The following FER1L5 variants were observed in gnomAD, a reference collection of about 807,000 sequenced individuals.
FER1L5 encodes the protein fer-1-like protein 5.
In FER1L5, 187 loss-of-function variants were observed where a neutral mutation model predicts 279.9. The observed-to-expected ratio is 0.67, with a 90% CI of 0.59 to 0.75. The LOEUF is 0.75. Among genes scored for constraint, FER1L5 ranks in the 30% least tolerant of loss-of-function variants. FER1L5 has a pLI of 0.00. For missense variants in FER1L5, 2,091 were observed against 2,594.4 expected (o/e 0.81, Z 4.21); for synonymous variants, 921 against 989.7 (o/e 0.93, Z 1.30).
At chr2:96,692,970 A>G (rs553524265) in intron 31 of FER1L5, among the ~76,000 whole-genome samples, 75 of 152,150 alleles carry the variant, frequency 4.9e-4, no homozygotes, top group Admixed American at 1.2e-3. Flanking sequence ...GAGGTCAGGA[A>G]TTCGAGACCA....
intron 20 of FER1L5, 124 bp downstream of exon 20, chr2:96,684,575 C>T: frequency 2.2e-6 from 3 of 1,363,600 alleles, no homozygotes; most frequent in Non-Finnish European, 3.0e-6. Flanking sequence ...TCATTCCACA[C>T]TGTTGAGAAG....
At chr2:96,671,044 T>C (rs1425214074) in intron 18 of FER1L5, among the ~76,000 whole-genome samples, 1 of 127,200 alleles carries the variant, frequency 7.9e-6, no homozygotes, top group Non-Finnish European at 1.5e-5. Flanking sequence ...GAGGTGGAGG[T>C]TGCAGTGAGC....
chr2:96,644,294 C>T (rs1232040492), intron 1 of FER1L5, among the ~76,000 whole-genome samples: 1 of 150,710 alleles, frequency 6.6e-6, no homozygotes, highest in Non-Finnish European at 1.5e-5. Flanking sequence ...CTGGCTAACA[C>T]GGTGAAACCC....
In FER1L5 at chr2:96,695,819, C is replaced by T. The variant is rs764611583; in HGVS notation, c.3972C>T (p.Thr1324=). Residue 1324 remains threonine (T), a synonymous_variant, in exon 36 of 53, where the codon ACC becomes ACT. Transcript: ENST00000624922. ...VVDNWAFGQQ[T]VTGQANIDFL... ...ACAACTGGGCCTTCGGCCAGCAGACCGTGACGGGCCAGGCCAACATCGACT... is the reference window on the plus strand; with the variant it reads ...ACAACTGGGCCTTCGGCCAGCAGACTGTGACGGGCCAGGCCAACATCGACT... 13 of 1,613,012 alleles carry T rather than the reference C, an allele frequency of 8.1e-6. No individual in the cohort carries two copies. The highest frequency in any genetic ancestry group is 3.3e-5 in the Admixed American group (2 of 59,884).
chr2:96,691,016 G>T lies in FER1L5; in HGVS notation c.2744-174G>T, dbSNP rs528027831. On this transcript the variant is annotated intron_variant, in intron 27 of 52. Coordinates refer to ENST00000624922, the MANE Select transcript of FER1L5 (RefSeq NM_001293083.2). This position sits in a 1 kb window ranked among gnomAD's most constrained non-coding sequence, Gnocchi z 6.0. ...GCTTCATTTGTAAGTTGGGCAGCTG[G>T]GCCCAGGCCACTCAGGTGACACAGT... Among the ~76,000 whole-genome samples the T allele has an allele frequency of 6.6e-6, 1 of 152,326 alleles. No individual in the cohort carries two copies. The highest frequency in any genetic ancestry group is 1.5e-5 in the Non-Finnish European group (1 of 68,030).
chr2:96,704,624 A>T lies in FER1L5; in HGVS notation c.6106A>T (p.Lys2036Ter). 1.2e-6 allele frequency: 2 copies of T among 1,613,982 alleles called. No homozygotes were observed. Among genetic ancestry groups the T allele is most frequent in the Non-Finnish European group, 1.7e-6 (2 of 1,179,868 alleles). Residue 2036 changes from lysine (K) to a stop codon, truncating the protein, a stop_gained, in exon 53 of 53, where the codon AAA becomes TAA. Coordinates refer to ENST00000624922, the MANE Select transcript of FER1L5 (RefSeq NM_001293083.2). LOFTEE classifies it low-confidence loss of function (END_TRUNC). ...AAAGCCTACAATAGACCATGAGTGG[A>T]AACTCCACCCAGGACCCACAAATCA... The part of the protein sequence containing the change: ...NLKPTIDHEW[K>*]LHPGPTNHLS...
At chr2:96,646,495 A>C (rs1274957667) in intron 2 of FER1L5, 42 bp downstream of exon 2, 4 of 1,545,016 alleles carry the variant, frequency 2.6e-6, no homozygotes, top group Non-Finnish European at 2.6e-6. Context: ...TAACAACCCC[A>C]ACAGCAAGGG....
chr2:96,690,742 C>T (rs1484237018), intron 27 of FER1L5, among the ~76,000 whole-genome samples, 153 bp downstream of exon 27: 4 of 152,210 alleles, frequency 2.6e-5, no homozygotes, highest in African/African-American at 9.7e-5. Flanking sequence ...CCAGCGTTTC[C>T]TTACACATAG....
Position 96,700,315 on chromosome 2 carries a change from A to T in FER1L5, c.4931-17A>T. 1 of 1,611,576 alleles carries T rather than the reference A, an allele frequency of 6.2e-7. No homozygotes were observed. Among genetic ancestry groups the T allele is most frequent in the Non-Finnish European group, 8.5e-7 (1 of 1,179,796 alleles). ...AATGACCTCGCAATCCCCTCCTTCC[A>T]TCCCCCTCCAATCCAGAGCCCAAAA... On this transcript the variant is annotated splice_polypyrimidine_tract_variant and intron_variant, in intron 44 of 52. Transcript: ENST00000624922.
At chr2:96,677,783 T>C (rs1175634886) in intron 19 of FER1L5, among the ~76,000 whole-genome samples, 2 of 151,608 alleles carry the variant, frequency 1.3e-5, no homozygotes, top group Admixed American at 6.6e-5. Flanking sequence ...GAGAATTGCT[T>C]GAACCCAGGA....
At chr2:96,645,513 C>T (rs2075081053) in intron 1 of FER1L5, among the ~76,000 whole-genome samples, 1 of 152,200 alleles carries the variant, frequency 6.6e-6, no homozygotes, top group South Asian at 2.1e-4. Context: ...ATGGGCCGAG[C>T]GCGGTGGCTT....
At chr2:96,664,791 C>T (rs183396349) in intron 14 of FER1L5, among the ~76,000 whole-genome samples, 5 of 152,298 alleles carry the variant, frequency 3.3e-5, no homozygotes, top group Non-Finnish European at 7.4e-5. Flanking sequence ...TGCCCTTTCA[C>T]CCACATATAA....
At chr2:96,651,247 CTTT>C (rs1205342992) in intron 6 of FER1L5, among the ~76,000 whole-genome samples, 2,037 of 99,368 alleles carry the variant, frequency 0.02, 53 homozygotes, top group African/African-American at 0.068. Flanking sequence ...CTCTTTCTTT[CTTT>C]CTTTCTTTCT....
intron 30 of FER1L5, 23 bp from the exon 31 acceptor site, chr2:96,692,081 A>G: frequency 6.4e-7 from 1 of 1,551,084 alleles, no homozygotes; most frequent in Admixed American, 2.0e-5. Flanking sequence ...GGCAGGTGAC[A>G]GGCATGGCTT....
chr2:96,698,865 C>T lies in FER1L5; in HGVS notation c.4518+33C>T. 6.4e-7 allele frequency: 1 copy of T among 1,551,652 alleles called. No homozygotes were observed. Among genetic ancestry groups the T allele is most frequent in the Non-Finnish European group, 8.7e-7 (1 of 1,146,774 alleles). On this transcript the variant is annotated intron_variant, in intron 41 of 52. Coordinates refer to ENST00000624922, the MANE Select transcript of FER1L5 (RefSeq NM_001293083.2). The surrounding 1 kb of genome is among the most constrained non-coding windows in gnomAD (Gnocchi z 5.5). ...ACAGTACCTGCCCCACACAGGTGCC[C>T]CGCACGCTCCCCTCAACCCATCTCT...
intron 19 of FER1L5, among the ~76,000 whole-genome samples, chr2:96,679,066 T>C (rs958118123): frequency 2.6e-5 from 4 of 152,266 alleles, no homozygotes; most frequent in South Asian, 2.1e-4. Flanking sequence ...CTAAGTTTTC[T>C]AGTTTTGGCT....
chr2:96,696,063 A>T lies in FER1L5; in HGVS notation c.4069A>T (p.Lys1357Ter). The change falls in exon 37 of 53, where the codon AAG becomes TAG. Residue 1357 changes from lysine (K) to a stop codon, truncating the protein, a stop_gained. Transcript: ENST00000624922. LOFTEE classifies it high-confidence loss of function. ...MHPKLPTLSE[K>*]KHQDFLGYLY... Reference sequence around the variant, plus strand: ...CTCTCCCCGCACAGCGCTGTCTGAGAAGAAGCACCAAGACGTAAGTAAGGG... The same window carrying T: ...CTCTCCCCGCACAGCGCTGTCTGAGTAGAAGCACCAAGACGTAAGTAAGGG... 1.2e-6 allele frequency: 2 copies of T among 1,613,892 alleles called. No individual in the cohort carries two copies. The highest frequency in any genetic ancestry group is 1.7e-6 in the Non-Finnish European group (2 of 1,179,890).
intron 39 of FER1L5, 57 bp downstream of exon 39, chr2:96,697,818 A>T: frequency 1.3e-6 from 2 of 1,578,438 alleles, no homozygotes; most frequent in Non-Finnish European, 1.7e-6. Flanking sequence ...GGAGGCCAGC[A>T]GAGCTAGCCT....
At chr2:96,673,444 G>A (rs1250607725) in intron 19 of FER1L5, among the ~76,000 whole-genome samples, 190 bp downstream of exon 19, 1 of 152,010 alleles carries the variant, frequency 6.6e-6, no homozygotes, top group Admixed American at 6.6e-5. Context: ...GTGAACCCAT[G>A]AGTTGAAACT....
Sources: allele counts gnomAD v4.1 joint callset (sites outside exome capture counted in the v4.1 genomes callset), GRCh38; gene constraint gnomAD v4.1.1; non-coding constraint Gnocchi (gnomAD v3.1); transcripts MANE v1.5; gene names NCBI Gene and HGNC (gene_info 2026-07-23, HGNC 2026-07-21).